The following HADHA variants were observed in gnomAD, a reference collection of about 807,000 sequenced individuals.
HADHA encodes the protein trifunctional enzyme subunit alpha, mitochondrial.
Under a neutral mutation model 91.3 loss-of-function variants are expected in HADHA, and 59 were observed. That is an observed-to-expected ratio of 0.65 (90% CI 0.52 to 0.80). The LOEUF (loss-of-function observed/expected upper bound fraction) is 0.80. Among genes scored for constraint, HADHA ranks in the 30% least tolerant of loss-of-function variants. The pLI, the probability that HADHA is intolerant of heterozygous loss-of-function variation, is 0.00. For synonymous variants in HADHA, 320 were observed against 338.9 expected, an observed-to-expected ratio of 0.94 and a Z score of 0.61; for missense variants, 800 against 927.6, an observed-to-expected ratio of 0.86 and a Z score of 1.79.
At chr2:26,234,463 G>A (rs1670699629) in intron 4 of HADHA, 108 bp from the exon 5 acceptor site, 1 of 950,114 alleles carries the variant, frequency 1.1e-6, no homozygotes, top group Non-Finnish European at 1.7e-6. Flanking sequence ...AATATTTGAT[G>A]ACAAATCTTC....
In HADHA at chr2:26,221,212, G is replaced by T. The variant is rs1264427246; in HGVS notation, c.677-6037C>A. Among the ~76,000 whole-genome samples the T allele has an allele frequency of 6.6e-6, 1 of 152,212 alleles. No individual in the cohort carries two copies. Among genetic ancestry groups the T allele is most frequent in the Admixed American group, 6.5e-5 (1 of 15,280 alleles). Reference sequence around the variant, plus strand: ...AGTGGGACCCAGAACAAGAGAAGCTGTTCTGCCATTTGGGCCACGTGATTC... The same window carrying T: ...AGTGGGACCCAGAACAAGAGAAGCTTTTCTGCCATTTGGGCCACGTGATTC... On this transcript the variant is annotated intron_variant, in intron 7 of 19. Transcript: ENST00000380649. This position sits in a 1 kb window ranked among gnomAD's most constrained non-coding sequence, Gnocchi z 4.8.
intron 1 of HADHA, among the ~76,000 whole-genome samples, chr2:26,242,647 T>G (rs183711501): frequency 2.5e-4 from 38 of 152,388 alleles, no homozygotes; most frequent in Admixed American, 1.2e-3. Context: ...GGTGGTATTA[T>G]TCCCCATTTT....
At chr2:26,201,798 TTTTA>T (rs1254151309) in intron 12 of HADHA, among the ~76,000 whole-genome samples, 6 of 152,100 alleles carry the variant, frequency 3.9e-5, no homozygotes, top group African/African-American at 1.2e-4. Flanking sequence ...CTTTTTTTTT[TTTTA>T]TTTATTTTTT....
intron 7 of HADHA, among the ~76,000 whole-genome samples, chr2:26,226,575 T>C (rs868554840): frequency 6.6e-6 from 1 of 152,194 alleles, no homozygotes; most frequent in Non-Finnish European, 1.5e-5. Context: ...GAGGAAATAG[T>C]AGTCTTCTCA....
intron 17 of HADHA, among the ~76,000 whole-genome samples, 165 bp from the exon 18 acceptor site, chr2:26,192,589 C>T (rs183120048): frequency 6.2e-4 from 94 of 152,188 alleles, no homozygotes; most frequent in African/African-American, 2.1e-3. Flanking sequence ...AGTTTGAGAC[C>T]AGCCTGGCCA....
At position 26,221,922 on chromosome 2, in the gene HADHA, G is replaced by A. The variant is rs1420951702; in HGVS notation, c.677-6747C>T. Among the ~76,000 whole-genome samples, 2 of 152,188 alleles carry A rather than the reference G, an allele frequency of 1.3e-5. No individual in the cohort carries two copies. Among genetic ancestry groups the A allele is most frequent in the South Asian group, 2.1e-4 (1 of 4,830 alleles). On this transcript the variant is annotated intron_variant, in intron 7 of 19. Coordinates refer to ENST00000380649, the MANE Select transcript of HADHA (RefSeq NM_000182.5). The surrounding 1 kb of genome is among the most constrained non-coding windows in gnomAD (Gnocchi z 4.8). Reference sequence around the variant, plus strand: ...AAGGGTCTACTCTGATTCATAGGCCGTGGCAAACGGTTTGCCTGGGTGGTA... The same window carrying A: ...AAGGGTCTACTCTGATTCATAGGCCATGGCAAACGGTTTGCCTGGGTGGTA...
At chr2:26,219,855 C>G (rs1191107702) in intron 7 of HADHA, among the ~76,000 whole-genome samples, 1 of 152,188 alleles carries the variant, frequency 6.6e-6, no homozygotes, top group Non-Finnish European at 1.5e-5. Flanking sequence ...TCTGTATAAG[C>G]AGAAGAATTC....
intron 1 of HADHA, among the ~76,000 whole-genome samples, chr2:26,243,599 ATAC>A (rs1558334163): frequency 6.6e-6 from 1 of 152,234 alleles, no homozygotes; most frequent in Non-Finnish European, 1.5e-5. Flanking sequence ...TAAAAAAAGC[ATAC>A]TACTTCAGCG....
chr2:26,192,136 T>C (rs530306608), intron 18 of HADHA, among the ~76,000 whole-genome samples, 174 bp downstream of exon 18: 3 of 151,268 alleles, frequency 2.0e-5, no homozygotes, highest in East Asian at 1.9e-4. Context: ...GGTATGGTGG[T>C]CACAAAGAAA....
At chr2:26,237,134 C>A in intron 3 of HADHA, 146 bp from the exon 4 acceptor site, 1 of 729,536 alleles carries the variant, frequency 1.4e-6, no homozygotes, top group Non-Finnish European at 2.4e-6. Flanking sequence ...ATCATTCTCC[C>A]AGCAAGTCAG....
At position 26,223,559 on chromosome 2, in the gene HADHA, C is replaced by T. The variant is rs556572599; in HGVS notation, c.676+6633G>A. Among the ~76,000 whole-genome samples the T allele has an allele frequency of 7.2e-5, 11 of 152,290 alleles. No homozygotes were observed. The East Asian group carries it at 9.7e-4, about 13-fold the overall frequency. Reference sequence around the variant, plus strand: ...AACCTGGTACACAGCCAGTGCACTGCGGTGTCATCTGAGGGAGCTGCAGTC... The same window carrying T: ...AACCTGGTACACAGCCAGTGCACTGTGGTGTCATCTGAGGGAGCTGCAGTC... On this transcript the variant is annotated intron_variant, in intron 7 of 19. Coordinates refer to ENST00000380649, the MANE Select transcript of HADHA (RefSeq NM_000182.5).
At chr2:26,222,854 C>T (rs1185670218) in intron 7 of HADHA, among the ~76,000 whole-genome samples, 3 of 152,162 alleles carry the variant, frequency 2.0e-5, no homozygotes, top group Non-Finnish European at 4.4e-5. Flanking sequence ...CTACTGAAGA[C>T]TCCATCACAG....
intron 1 of HADHA, among the ~76,000 whole-genome samples, chr2:26,240,449 T>C (rs1670863637): frequency 1.3e-5 from 2 of 152,120 alleles, no homozygotes; most frequent in South Asian, 4.2e-4. Flanking sequence ...TAGAAAAAGT[T>C]TTCCTGCAAA....
rs199688741 is a variant in HADHA at position 26,215,109 on chromosome 2, G to T, written c.743C>A (p.Ala248Asp). The T allele has an allele frequency of 6.2e-7, 1 of 1,607,578 alleles. No homozygotes were observed. The highest frequency in any genetic ancestry group is 1.3e-5 in the African/African-American group (1 of 74,720). The change falls in exon 8 of 20, where the codon GCC (alanine) becomes GAC (aspartate). Residue 248 changes from alanine (A) to aspartate (D), a missense_variant. Physicochemically the swap from Ala to Asp is moderately radical, Grantham distance 126 (BLOSUM62 -2). Coordinates refer to ENST00000380649, the MANE Select transcript of HADHA (RefSeq NM_000182.5). ...EYLEEVAITF[A>D]KGLADKKISP... ...GATCTTCTTATCAGCTAGTCCTTTG[G>T]CAAAAGTAATTGCAACTTCTTCTAG... is the stretch of plus-strand genomic sequence containing the variant.
intron 12 of HADHA, among the ~76,000 whole-genome samples, chr2:26,203,424 T>C (rs937430777): frequency 6.6e-6 from 1 of 152,138 alleles, no homozygotes; most frequent in Non-Finnish European, 1.5e-5. Flanking sequence ...ACAGGCAGCA[T>C]GTGTGTGATG....
intron 3 of HADHA, among the ~76,000 whole-genome samples, chr2:26,237,962 C>T (rs182061377): frequency 6.6e-6 from 1 of 152,300 alleles, no homozygotes; most frequent in East Asian, 1.9e-4. Flanking sequence ...TTGTCAACTG[C>T]TTCCATCTAG....
chr2:26,215,758 G>A (rs887108996), intron 7 of HADHA, among the ~76,000 whole-genome samples: 5 of 152,190 alleles, frequency 3.3e-5, no homozygotes, highest in Non-Finnish European at 7.3e-5. Context: ...GAAACCAAGT[G>A]CAAAGCCAGT....
At chr2:26,233,935 G>A (rs1445735483) in intron 5 of HADHA, among the ~76,000 whole-genome samples, 2 of 152,076 alleles carry the variant, frequency 1.3e-5, no homozygotes, top group Non-Finnish European at 2.9e-5. Flanking sequence ...ACAAAAATTA[G>A]CTGGGCATGG....
chr2:26,242,856 AT>A (rs1416198841), intron 1 of HADHA, among the ~76,000 whole-genome samples: 1 of 152,088 alleles, frequency 6.6e-6, no homozygotes, highest in Non-Finnish European at 1.5e-5. Context: ...GGCTCACGCC[AT>A]TCTCCTGCCT....
Sources: gnomAD v4.1 joint callset for allele counts (sites outside exome capture counted in the v4.1 genomes callset) on GRCh38, gnomAD v4.1.1 for gene constraint, Gnocchi (gnomAD v3.1) non-coding constraint, MANE v1.5 for transcripts, NCBI Gene and HGNC (gene_info 2026-07-23, HGNC 2026-07-21) for gene names.